The following THSD7B variants were observed in gnomAD, a reference collection of about 807,000 sequenced individuals.
THSD7B encodes thrombospondin type-1 domain-containing protein 7B.
In THSD7B, 138 loss-of-function variants were observed where a neutral mutation model predicts 213.6. The ratio of observed to expected loss-of-function variants is 0.65; its 90% CI spans 0.56 to 0.74. The LOEUF is 0.74. Among genes scored for constraint, THSD7B ranks in the 30% least tolerant of loss-of-function variants. THSD7B has a pLI of 0.00. For synonymous variants in THSD7B, 742 were observed against 687.0 expected, an observed-to-expected ratio of 1.08 and a Z score of -1.25; for missense variants, 1,931 against 1,991.5, an observed-to-expected ratio of 0.97 and a Z score of 0.58.
chr2:137,657,771 G>A (rs1476301830), intron 24 of THSD7B, among the ~76,000 whole-genome samples: 1 of 152,208 alleles, frequency 6.6e-6, no homozygotes, highest in African/African-American at 2.4e-5. Flanking sequence ...CTGAAGTGCA[G>A]TGACACAATT....
intron 7 of THSD7B, among the ~76,000 whole-genome samples, chr2:137,210,674 A>C (rs901756967): frequency 5.3e-5 from 8 of 152,044 alleles, no homozygotes; most frequent in African/African-American, 1.9e-4. Flanking sequence ...TTTAAACTGC[A>C]TTTAAGTAGA....
chr2:137,659,557 A>G (rs1265690381), intron 24 of THSD7B, 107 bp from the exon 25 acceptor site: 1 of 990,670 alleles, frequency 1.0e-6, no homozygotes, highest in Admixed American at 2.9e-5. Context: ...TTCAAAAATA[A>G]TAATACTGTT....
At chr2:136,920,013 C>T (rs1380314218) in intron 2 of THSD7B, among the ~76,000 whole-genome samples, 1 of 152,236 alleles carries the variant, frequency 6.6e-6, no homozygotes, top group Non-Finnish European at 1.5e-5. Flanking sequence ...TGTCACAGCC[C>T]TGGCTCAGGG....
intron 2 of THSD7B, among the ~76,000 whole-genome samples, chr2:137,022,971 G>A (rs182052977): frequency 6.6e-6 from 1 of 152,128 alleles, no homozygotes; most frequent in African/African-American, 2.4e-5. Flanking sequence ...TGGGCCCAAG[G>A]TTCATAGTTT....
intron 6 of THSD7B, among the ~76,000 whole-genome samples, chr2:137,167,255 G>A (rs1236742613): frequency 6.6e-6 from 1 of 151,836 alleles, no homozygotes; most frequent in Non-Finnish European, 1.5e-5. Flanking sequence ...CCAGGCTGGA[G>A]TGCAGTGGCG....
intron 15 of THSD7B, among the ~76,000 whole-genome samples, chr2:137,486,948 G>A (rs1688461100): frequency 6.6e-6 from 1 of 152,122 alleles, no homozygotes; most frequent in Non-Finnish European, 1.5e-5. Flanking sequence ...AAACCAATGA[G>A]AACAAAGCCA....
intron 2 of THSD7B, among the ~76,000 whole-genome samples, chr2:136,971,028 A>G (rs1454722550): frequency 6.6e-6 from 1 of 152,238 alleles, no homozygotes; most frequent in Non-Finnish European, 1.5e-5. Context: ...ACAGTGGAAT[A>G]AACTAAGAAA....
chr2:136,844,126 TAA>T (rs1682960483), intron 1 of THSD7B, among the ~76,000 whole-genome samples: 1 of 152,174 alleles, frequency 6.6e-6, no homozygotes, highest in Admixed American at 6.5e-5. Context: ...TTGATTCTGA[TAA>T]AGTTTTATTA....
intron 12 of THSD7B, among the ~76,000 whole-genome samples, chr2:137,338,755 A>T (rs1162069150): frequency 6.6e-6 from 1 of 152,104 alleles, no homozygotes; most frequent in African/African-American, 2.4e-5. Context: ...TTTGAATCTG[A>T]CACACTAAGA....
chr2:136,998,261 C>CAA (rs33931359), intron 2 of THSD7B, among the ~76,000 whole-genome samples: 28 of 98,384 alleles, frequency 2.8e-4, no homozygotes, highest in African/African-American at 4.6e-4. Context: ...ACTAAAAGGC[C>CAA]AAAAAAAAAA....
At chr2:136,835,790 A>G (rs1159845310) in intron 1 of THSD7B, among the ~76,000 whole-genome samples, 3 of 152,190 alleles carry the variant, frequency 2.0e-5, no homozygotes, top group Non-Finnish European at 4.4e-5. Flanking sequence ...TCCATGGCCC[A>G]AGAAGAGAAA....
chr2:137,584,604 A>G (rs1009047276), intron 17 of THSD7B, among the ~76,000 whole-genome samples: 10 of 151,904 alleles, frequency 6.6e-5, no homozygotes, highest in Admixed American at 1.3e-4. Context: ...CATGTCATTT[A>G]TGTTTTTGGT....
chr2:137,244,494 T>C (rs547555467), intron 10 of THSD7B, among the ~76,000 whole-genome samples: 1 of 152,258 alleles, frequency 6.6e-6, no homozygotes, highest in South Asian at 2.1e-4. Context: ...TCAAGAAAAT[T>C]CTCTCTGCTA....
chr2:137,018,845 G>C (rs565690667), intron 2 of THSD7B, among the ~76,000 whole-genome samples: 12 of 152,052 alleles, frequency 7.9e-5, no homozygotes, highest in African/African-American at 2.9e-4. Context: ...TTATTTTTTT[G>C]TTTGGGAATT....
intron 14 of THSD7B, among the ~76,000 whole-genome samples, chr2:137,435,461 C>A (rs1687272214): frequency 6.6e-6 from 1 of 152,166 alleles, no homozygotes; most frequent in South Asian, 2.1e-4. Context: ...AATCACTATG[C>A]ACAGAGATCT....
At chr2:137,370,229 T>G (rs961396940) in intron 12 of THSD7B, among the ~76,000 whole-genome samples, 1 of 152,278 alleles carries the variant, frequency 6.6e-6, no homozygotes, top group Non-Finnish European at 1.5e-5. Context: ...TTAATCTGTT[T>G]TATTCACTCA....
At chr2:137,355,953 A>T (rs1685117169) in intron 12 of THSD7B, among the ~76,000 whole-genome samples, 1 of 152,094 alleles carries the variant, frequency 6.6e-6, no homozygotes, top group African/African-American at 2.4e-5. Context: ...AGTGTTAGGC[A>T]TGGTAGTGTG....
intron 3 of THSD7B, among the ~76,000 whole-genome samples, chr2:137,071,065 T>A (rs911367194): frequency 2.8e-4 from 43 of 152,212 alleles, no homozygotes; most frequent in Admixed American, 8.5e-4. Context: ...TATAATCCTT[T>A]GGGTATATAC....
At chr2:137,458,404 T>A (rs1687813081) in intron 15 of THSD7B, among the ~76,000 whole-genome samples, 1 of 152,176 alleles carries the variant, frequency 6.6e-6, no homozygotes, top group African/African-American at 2.4e-5. Context: ...TTGCTTTGAT[T>A]GTGCTTTGTC....
Sources: gnomAD v4.1 joint callset for allele counts (sites outside exome capture counted in the v4.1 genomes callset) on GRCh38, gnomAD v4.1.1 for gene constraint, MANE v1.5 for transcripts, NCBI Gene and HGNC (gene_info 2026-07-23, HGNC 2026-07-21) for gene names.